ANKRD55: variants seen among roughly 807,000 people sequenced by gnomAD.
The protein encoded by ANKRD55 is ankyrin repeat domain 55.
A neutral mutation model predicts 60.6 loss-of-function variants in ANKRD55; 41 were observed. That is an observed-to-expected ratio of 0.68 (90% confidence interval 0.53 to 0.88). The LOEUF is 0.88. ANKRD55 is among the 40% of genes least tolerant of loss of function. The probability of loss-of-function intolerance (pLI) is 0.00; values close to 1 mark genes in which losing one functional copy is unlikely to be tolerated. For synonymous variants in ANKRD55, 264 were observed against 290.3 expected, an observed-to-expected ratio of 0.91 and a Z score of 0.92; for missense variants, 732 against 767.6, an observed-to-expected ratio of 0.95 and a Z score of 0.55.
intron 8 of ANKRD55, among the ~76,000 whole-genome samples, chr5:56,117,573 C>T (rs886624278): frequency 6.6e-6 from 1 of 152,140 alleles, no homozygotes; most frequent in African/African-American, 2.4e-5. Flanking sequence ...CCCACCTCAG[C>T]CTCCTGAGTA....
chr5:56,101,167 C>T (rs1004123914), intron 11 of ANKRD55, among the ~76,000 whole-genome samples: 8 of 152,176 alleles, frequency 5.3e-5, no homozygotes, highest in African/African-American at 1.7e-4. Flanking sequence ...GGTTTGTCTC[C>T]TTCAAACCCT....
intron 2 of ANKRD55, among the ~76,000 whole-genome samples, chr5:56,229,467 C>T (rs1367742301): frequency 6.6e-6 from 1 of 152,108 alleles, no homozygotes; most frequent in African/African-American, 2.4e-5. Flanking sequence ...GATCGTTGGG[C>T]CTTCCAGCAG....
At chr5:56,183,675 A>G (rs371506348) in intron 2 of ANKRD55, 41 bp from the exon 3 acceptor site, 24 of 1,603,248 alleles carry the variant, frequency 1.5e-5, no homozygotes, top group Non-Finnish European at 2.0e-5. Context: ...GTGTGGAGCC[A>G]GTTCACTGAA....
rs769119437 is a variant in ANKRD55 at position 56,159,892 on chromosome 5, G to T, written c.424C>A (p.Leu142Ile). Residue 142 changes from leucine to isoleucine, a missense_variant and splice_region_variant, in exon 6 of 12, where the codon CTC becomes ATC. By Grantham distance (5) the Leu-to-Ile change is conservative. Transcript: ENST00000341048. ...GACTGTTGCAACAGGACCGTGAGGA[G>T]CCTGTAAGGAAAAAATAGGAGAAAT... ...HAATAEPDMR[L>I]LTVLLQQSNI... is the part of the protein sequence containing the mutation. 1.2e-6 allele frequency: 2 copies of T among 1,613,394 alleles called. No individual in the cohort carries two copies. The highest frequency in any genetic ancestry group is 1.7e-6 in the Non-Finnish European group (2 of 1,179,408).
chr5:56,135,472 C>T (rs185961484), intron 7 of ANKRD55, among the ~76,000 whole-genome samples: 7 of 151,722 alleles, frequency 4.6e-5, no homozygotes, highest in African/African-American at 9.7e-5. Context: ...CAGGTTCAAG[C>T]GATTCTCCTG....
At chr5:56,127,127 A>AAGCCT in intron 7 of ANKRD55, 21 bp from the exon 8 acceptor site, 1 of 1,588,594 alleles carries the variant, frequency 6.3e-7, no homozygotes, top group Non-Finnish European at 8.6e-7. Flanking sequence ...GAGTCAAAGA[A>AAGCCT]AGCCCATTAT....
At chr5:56,225,320 GATGGGACGT>G (rs1760081987) in intron 2 of ANKRD55, among the ~76,000 whole-genome samples, 1 of 152,172 alleles carries the variant, frequency 6.6e-6, no homozygotes, top group African/African-American at 2.4e-5. Flanking sequence ...ATTAGGTATT[GATGGGACGT>G]ATCTCAAAAA....
rs950275231 is a variant in ANKRD55, at chr5:56,159,814, G to C, written c.483+19C>G. ...CTCACATGCAAAATGACCACTTGTT[G>C]CTTGAGAGTGTGGCTCACCTCATTG... is the stretch of plus-strand genomic sequence containing the variant. On this transcript the variant is annotated intron_variant, in intron 6 of 11. Coordinates refer to ENST00000341048, the MANE Select transcript of ANKRD55 (RefSeq NM_024669.3). 6.2e-7 allele frequency: 1 copy of C among 1,612,898 alleles called. No individual in the cohort carries two copies. The highest frequency in any genetic ancestry group is 1.1e-5 in the South Asian group (1 of 91,032).
intron 9 of ANKRD55, among the ~76,000 whole-genome samples, chr5:56,112,788 G>A (rs1756772369): frequency 6.6e-6 from 1 of 152,182 alleles, no homozygotes; most frequent in African/African-American, 2.4e-5. Context: ...TGACCCGTGT[G>A]TGTGCCCCTG....
chr5:56,229,162 C>A (rs80167126), intron 2 of ANKRD55, among the ~76,000 whole-genome samples: 4,982 of 137,658 alleles, frequency 0.036, 98 homozygotes, highest in Middle Eastern at 0.076. Context: ...CAAAACTTTT[C>A]TTTCCACAAG....
At chr5:56,231,418 C>T (rs1414240912) in intron 2 of ANKRD55, among the ~76,000 whole-genome samples, 4 of 152,198 alleles carry the variant, frequency 2.6e-5, no homozygotes, top group African/African-American at 4.8e-5. Context: ...TCAGTCCCAG[C>T]TCCCTCCAAT....
At chr5:56,174,729 G>A (rs918499859) in intron 4 of ANKRD55, among the ~76,000 whole-genome samples, 5 of 151,968 alleles carry the variant, frequency 3.3e-5, no homozygotes, top group Middle Eastern at 3.4e-3. Flanking sequence ...CTACCTGGGA[G>A]GCTATGGCAG....
chr5:56,099,785 T>TG lies in ANKRD55; in HGVS notation c.*397_*398insC, dbSNP rs200116996. 1,026 of 157,590 alleles carry TG rather than the reference T, an allele frequency of 6.5e-3. 7 individuals are homozygous for TG. Among genetic ancestry groups the TG allele is most frequent in the African/African-American group, 0.021 (873 of 40,894 alleles). The allele number at this position is 157,590 out of a possible 1,614,324, so 9.8% of individuals were successfully genotyped here. A position where few individuals can be genotyped will look rare whatever the true frequency, so the allele number is the denominator to read the frequency against. On this transcript the variant is annotated 3_prime_UTR_variant, in exon 12 of 12. Coordinates refer to ENST00000341048, the MANE Select transcript of ANKRD55 (RefSeq NM_024669.3). ...GTCTGGGATGTGGTTTTTTTTTTGT[T>TG]TTGTTTTTTGCTTTTATTCAGCAAA...
At chr5:56,180,460 G>T (rs565739040) in intron 3 of ANKRD55, among the ~76,000 whole-genome samples, 34 of 152,172 alleles carry the variant, frequency 2.2e-4, no homozygotes, top group African/African-American at 8.2e-4. Context: ...AATCTTGCTG[G>T]GGTTTGGTAG....
chr5:56,120,830 C>T (rs559946534), intron 8 of ANKRD55, among the ~76,000 whole-genome samples: 9 of 144,276 alleles, frequency 6.2e-5, no homozygotes, highest in East Asian at 4.2e-4. Context: ...ACCTGGGAGG[C>T]AGAGGTTGCA....
chr5:56,169,168 T>A (rs992235295), intron 5 of ANKRD55, among the ~76,000 whole-genome samples: 3 of 152,200 alleles, frequency 2.0e-5, no homozygotes, highest in African/African-American at 7.2e-5. Flanking sequence ...GAAATAATTT[T>A]TATTGTGTTA....
At chr5:56,165,910 C>T (rs902615308) in intron 5 of ANKRD55, among the ~76,000 whole-genome samples, 1 of 151,830 alleles carries the variant, frequency 6.6e-6, no homozygotes, top group African/African-American at 2.4e-5. Flanking sequence ...GCCTGGGCAA[C>T]AAGAGTGAAA....
chr5:56,102,409 ATG>A, intron 11 of ANKRD55, 83 bp downstream of exon 11: 1 of 1,058,362 alleles, frequency 9.4e-7, no homozygotes. Context: ...AAAAAGAAAA[ATG>A]AAAGTAAACG....
At chr5:56,131,000 A>G (rs1174311646) in intron 7 of ANKRD55, among the ~76,000 whole-genome samples, 5 of 152,230 alleles carry the variant, frequency 3.3e-5, no homozygotes, top group African/African-American at 9.6e-5. Flanking sequence ...AGAGAACTAC[A>G]AAAGGTGTAA....
Sources: allele counts gnomAD v4.1 joint callset (sites outside exome capture counted in the v4.1 genomes callset), GRCh38; gene constraint gnomAD v4.1.1; transcripts MANE v1.5; gene names NCBI Gene and HGNC (gene_info 2026-07-23, HGNC 2026-07-21).